CMPK1: variants seen among roughly 807,000 people sequenced by gnomAD.
CMPK1 encodes cytidine/uridine monophosphate kinase 1.
A neutral mutation model predicts 25.7 loss-of-function variants in CMPK1; 10 were observed. That is an observed-to-expected ratio of 0.39 (90% confidence interval 0.24 to 0.66). The LOEUF is 0.66. Among genes scored for constraint, CMPK1 ranks in the 30% least tolerant of loss-of-function variants. The pLI is 0.48. For missense variants in CMPK1, 199 were observed against 280.5 expected (o/e 0.71, Z 2.08); for synonymous variants, 106 against 101.5 (o/e 1.04, Z -0.27).
In CMPK1 at chr1:47,340,991, C is replaced by T. The variant is rs181480074; in HGVS notation, c.171+6875C>T. On this transcript the variant is annotated intron_variant, in intron 1 of 5. Coordinates refer to ENST00000371873, the MANE Select transcript of CMPK1 (RefSeq NM_016308.3). ...TATCTGGTCCACAGGATACTTGACT[C>T]TTCAGAAGCACCACTGTTTGATTAA... 2.0e-5 allele frequency among the ~76,000 whole-genome samples: 3 copies of T among 152,242 alleles called. No individual in the cohort carries two copies. The East Asian group carries it at 5.8e-4, about 29-fold the overall frequency.
intron 3 of CMPK1, chr1:47,373,504 G>A (rs182092674): frequency 2.0e-3 from 317 of 155,562 alleles, no homozygotes; most frequent in African/African-American, 7.3e-3. Context: ...CTGTTTTAAA[G>A]AAACATACAG....
intron 1 of CMPK1, among the ~76,000 whole-genome samples, chr1:47,366,972 C>T (rs1025381640): frequency 5.3e-5 from 8 of 152,126 alleles, no homozygotes; most frequent in South Asian, 4.1e-4. Context: ...GTGATCCACC[C>T]GCCTTGGCCT....
chr1:47,361,253 G>A (rs567737334), intron 1 of CMPK1, among the ~76,000 whole-genome samples: 2 of 152,268 alleles, frequency 1.3e-5, no homozygotes, highest in Admixed American at 6.5e-5. Context: ...GCTGGGCATG[G>A]TGGTGCGCAC....
Position 47,372,352 on chromosome 1 carries a change from T to C in CMPK1, c.319-603T>C, listed in dbSNP as rs532403981. On this transcript the variant is annotated intron_variant, in intron 2 of 5. Coordinates refer to ENST00000371873, the MANE Select transcript of CMPK1 (RefSeq NM_016308.3). ...TTTGGGGCAGCCAGTGACATTTGGGTTTAATTAGCTTCCGTTAAAAAGTAT... is the reference window on the plus strand; with the variant it reads ...TTTGGGGCAGCCAGTGACATTTGGGCTTAATTAGCTTCCGTTAAAAAGTAT... Among the ~76,000 whole-genome samples the C allele has an allele frequency of 2.0e-5, 3 of 152,196 alleles. No individual in the cohort carries two copies. In the South Asian group the frequency reaches 6.2e-4, roughly 31 times the overall value.
Position 47,373,011 on chromosome 1 carries a change from G to T in CMPK1, c.375G>T (p.Gly125=). The change falls in exon 3 of 6, where the codon GGG becomes GGT. Residue 125 remains glycine, a synonymous_variant. Coordinates refer to ENST00000371873, the MANE Select transcript of CMPK1 (RefSeq NM_016308.3). ...NAQKNKFLID[G]FPRNQDNLQG... is the part of the protein sequence containing the mutation. ...AGAAGAATAAATTCTTGATTGATGG[G>T]TTTCCAAGAAATCAAGACAACCTTC... 1 of 1,613,480 alleles carries T rather than the reference G, an allele frequency of 6.2e-7. No homozygotes were observed. The highest frequency in any genetic ancestry group is 1.7e-5 in the Admixed American group (1 of 59,956).
At chr1:47,376,587 A>G (rs1646710049) in intron 5 of CMPK1, 117 bp from the exon 6 acceptor site, 1 of 566,278 alleles carries the variant, frequency 1.8e-6, no homozygotes. Flanking sequence ...AAGTGCTGGG[A>G]TTACAGATGT....
At chr1:47,375,176 C>T (rs373906378) in intron 4 of CMPK1, 21 bp from the exon 5 acceptor site, 45 of 1,556,866 alleles carry the variant, frequency 2.9e-5, no homozygotes, top group Non-Finnish European at 3.2e-5. Context: ...TAGAACCTTG[C>T]AATATTTACT....
At chr1:47,340,300 G>A (rs1247738820) in intron 1 of CMPK1, among the ~76,000 whole-genome samples, 15 of 145,064 alleles carry the variant, frequency 1.0e-4, no homozygotes, top group African/African-American at 2.1e-4. Flanking sequence ...GCAAGACTCC[G>A]TCTCAAAAAA....
chr1:47,364,592 T>C (rs190187374), intron 1 of CMPK1, among the ~76,000 whole-genome samples: 175 of 150,640 alleles, frequency 1.2e-3, no homozygotes, highest in Non-Finnish European at 2.0e-3. Flanking sequence ...GCTGGGATTA[T>C]AGGTGTGAGC....
chr1:47,344,557 A>G (rs10789506), intron 1 of CMPK1, among the ~76,000 whole-genome samples: 147,546 of 151,504 alleles, frequency 0.97, 71,942 homozygotes, highest in East Asian at 1. Context: ...GGAATGCAGT[A>G]GCACAGTCTT....
intron 1 of CMPK1, chr1:47,358,692 GT>G (rs1326476049): frequency 3.0e-6 from 3 of 985,418 alleles, no homozygotes; most frequent in Non-Finnish European, 3.6e-6. Flanking sequence ...TAAGGTTCAG[GT>G]TCTTGTGATC....
intron 1 of CMPK1, among the ~76,000 whole-genome samples, chr1:47,344,834 T>G (rs1646470935): frequency 6.6e-6 from 1 of 151,200 alleles, no homozygotes; most frequent in African/African-American, 2.4e-5. Flanking sequence ...TATCTTTTAG[T>G]TTTGCCTCCC....
At chr1:47,344,895 A>G (rs1646471351) in intron 1 of CMPK1, among the ~76,000 whole-genome samples, 1 of 151,736 alleles carries the variant, frequency 6.6e-6, no homozygotes, top group South Asian at 2.1e-4. Flanking sequence ...TTTCCCTCTC[A>G]TTTCACTACA....
intron 1 of CMPK1, 75 bp downstream of exon 1, chr1:47,334,191 C>T: frequency 8.2e-7 from 1 of 1,217,394 alleles, no homozygotes. Flanking sequence ...GCCCCTAGTC[C>T]GCGCCCCGCG....
intron 1 of CMPK1, among the ~76,000 whole-genome samples, chr1:47,359,328 A>G (rs1483009026): frequency 1.3e-5 from 2 of 150,978 alleles, no homozygotes; most frequent in Non-Finnish European, 2.9e-5. Flanking sequence ...AAAAAAAAAT[A>G]AAAAATAAGA....
chr1:47,371,748 A>G (rs1646679156), intron 2 of CMPK1, among the ~76,000 whole-genome samples: 1 of 152,218 alleles, frequency 6.6e-6, no homozygotes, highest in African/African-American at 2.4e-5. Flanking sequence ...GCTAAAGTCT[A>G]TAGCTCTAAA....
At chr1:47,361,947 C>T (rs1646605975) in intron 1 of CMPK1, among the ~76,000 whole-genome samples, 1 of 149,708 alleles carries the variant, frequency 6.7e-6, no homozygotes, top group African/African-American at 2.5e-5. Flanking sequence ...CTTGGCTCAC[C>T]ACAACCTCCG....
At chr1:47,363,510 C>T (rs985373247) in intron 1 of CMPK1, among the ~76,000 whole-genome samples, 8 of 151,878 alleles carry the variant, frequency 5.3e-5, no homozygotes, top group Non-Finnish European at 1.2e-4. Context: ...CAGTGGTGGG[C>T]GCCTGTAGTA....
chr1:47,377,055 C>T lies in CMPK1; in HGVS notation c.*310C>T, dbSNP rs575938684. On this transcript the variant is annotated 3_prime_UTR_variant, in exon 6 of 6. Coordinates refer to ENST00000371873, the MANE Select transcript of CMPK1 (RefSeq NM_016308.3). Reference sequence around the variant, plus strand: ...CTTCTGTGAGCAAAACTTTTTAGTACGCGTATATATCCCTCTAGTAATCAC... The same window carrying T: ...CTTCTGTGAGCAAAACTTTTTAGTATGCGTATATATCCCTCTAGTAATCAC... 38 of 206,160 alleles carry T rather than the reference C, an allele frequency of 1.8e-4. No individual in the cohort carries two copies. The highest frequency in any genetic ancestry group is 3.2e-4 in the Non-Finnish European group (33 of 103,366). 12.8% of individuals were successfully genotyped at this position (206,160 alleles called of 1,614,324 possible).
Sources: allele counts gnomAD v4.1 joint callset (sites outside exome capture counted in the v4.1 genomes callset), GRCh38; gene constraint gnomAD v4.1.1; transcripts MANE v1.5; gene names NCBI Gene and HGNC (gene_info 2026-07-23, HGNC 2026-07-21).